Variants in PSMD9 observed in about 807,000 individuals in gnomAD.
PSMD9 encodes 26S proteasome non-ATPase regulatory subunit 9.
PSMD9 carries 26 observed loss-of-function variants against 25.9 expected under a neutral mutation model. The observed-to-expected ratio is 1.00, with a 90% CI of 0.73 to 1.39. The LOEUF (loss-of-function observed/expected upper bound fraction) is 1.39, where lower values mean the gene tolerates loss of function less well. Among genes scored for constraint, PSMD9 ranks in the 40% most tolerant of loss-of-function variants. PSMD9 has a pLI of 0.00. For synonymous variants in PSMD9, 110 were observed against 114.5 expected, an observed-to-expected ratio of 0.96 and a Z score of 0.25; for missense variants, 303 against 299.3, an observed-to-expected ratio of 1.01 and a Z score of -0.09.
chr12:121,913,493 CTTTTTTTT>C (rs771986462), intron 4 of PSMD9, among the ~76,000 whole-genome samples: 1 of 134,840 alleles, frequency 7.4e-6, no homozygotes, highest in East Asian at 2.2e-4. Context: ...TTTCTTTTTT[CTTTTTTTT>C]TTTTTTTTAA....
At position 121,916,598 on chromosome 12, in the gene PSMD9, GATTATT is replaced by G. The variant is rs1004341337; in HGVS notation, c.*297_*302del. ...AAGTTATTCTGGCAGGTACTGGTGT[GATTATT>G]ATTATTATTTTTAATAAAGAGTTTT... On this transcript the variant is annotated 3_prime_UTR_variant, in exon 6 of 6. Transcript: ENST00000541212. The G allele has an allele frequency of 7.0e-6, 3 of 426,066 alleles. No homozygotes were observed. Among genetic ancestry groups the G allele is most frequent in the Non-Finnish European group, 1.3e-5 (3 of 237,390 alleles). 26.4% of individuals were successfully genotyped at this position (426,066 alleles called of 1,614,324 possible).
chr12:121,905,108 G>C (rs1879515549), intron 4 of PSMD9, among the ~76,000 whole-genome samples: 1 of 151,810 alleles, frequency 6.6e-6, no homozygotes, highest in African/African-American at 2.4e-5. Flanking sequence ...CAGAAAGACT[G>C]CTCATATACC....
intron 4 of PSMD9, 42 bp from the exon 5 acceptor site, chr12:121,915,805 TCTCTGAGTA>T: frequency 6.8e-7 from 1 of 1,470,584 alleles, no homozygotes; most frequent in Non-Finnish European, 9.4e-7. Context: ...TTAGCCTGCA[TCTCTGAGTA>T]CTAACGAGGC....
intron 4 of PSMD9, among the ~76,000 whole-genome samples, chr12:121,912,330 G>A (rs1230688072): frequency 1.3e-5 from 2 of 152,006 alleles, no homozygotes; most frequent in East Asian, 1.9e-4. Flanking sequence ...CGTGCCCGGC[G>A]CTTTGTTTAG....
chr12:121,916,784 T>C lies in PSMD9; in HGVS notation c.*473T>C, dbSNP rs1423632569. ...CTTTGACCAACATATTTCTTTGCAC[T>C]GAGGCCTTGCTGCTGTGGATACGGA... is the stretch of plus-strand genomic sequence containing the variant. On this transcript the variant is annotated 3_prime_UTR_variant, in exon 6 of 6. Coordinates refer to ENST00000541212, the MANE Select transcript of PSMD9 (RefSeq NM_002813.7). 6.1e-6 allele frequency: 1 copy of C among 162,768 alleles called. No homozygotes were observed. Among genetic ancestry groups the C allele is most frequent in the African/African-American group, 2.4e-5 (1 of 41,640 alleles). The allele number at this position is 162,768 out of a possible 1,614,324, so 10.1% of individuals were successfully genotyped here.
rs1435312310 is a variant in PSMD9 at position 121,900,716 on chromosome 12, T to G, written c.453+871T>G. 3.3e-5 allele frequency among the ~76,000 whole-genome samples: 5 copies of G among 151,922 alleles called. No homozygotes were observed. The East Asian group carries it at 7.7e-4, about 24-fold the overall frequency. On this transcript the variant is annotated intron_variant, in intron 3 of 5. Coordinates refer to ENST00000541212, the MANE Select transcript of PSMD9 (RefSeq NM_002813.7). ...TTAAAAAATTTGCAGCCAGGTGCAG[T>G]GGCTCACGCCTGTAATCCCAGCACT...
At chr12:121,894,490 C>T in intron 1 of PSMD9, 1 of 427,682 alleles carries the variant, frequency 2.3e-6, no homozygotes, top group Non-Finnish European at 4.3e-6. Flanking sequence ...TTTATCGGCA[C>T]TGTTTTAACT....
intron 3 of PSMD9, 117 bp from the exon 4 acceptor site, chr12:121,902,889 C>G: frequency 1.3e-6 from 1 of 798,874 alleles, no homozygotes. Context: ...TGTTCTGAGC[C>G]TACCCTGTAG....
intron 1 of PSMD9, among the ~76,000 whole-genome samples, chr12:121,891,053 C>T (rs1213026571): frequency 7.5e-6 from 1 of 133,844 alleles, no homozygotes; most frequent in Non-Finnish European, 1.6e-5. Context: ...GTCTCGATCT[C>T]CTGACCTCGT....
At chr12:121,896,836 CAAA>C (rs755152569) in intron 2 of PSMD9, among the ~76,000 whole-genome samples, 4 of 57,476 alleles carry the variant, frequency 7.0e-5, no homozygotes, top group South Asian at 5.7e-4. Context: ...AACTCTGTCT[CAAA>C]AAAAAAAAAA....
intron 1 of PSMD9, among the ~76,000 whole-genome samples, chr12:121,890,271 A>C (rs745413717): frequency 6.6e-6 from 1 of 152,114 alleles, no homozygotes; most frequent in Admixed American, 6.6e-5. Context: ...GGTGCTGACT[A>C]TATGCTCAAA....
At chr12:121,897,355 C>T (rs1879264051) in intron 2 of PSMD9, 1 of 151,880 alleles carries the variant, frequency 6.6e-6, no homozygotes, top group South Asian at 2.1e-4. Context: ...TCACTGCACT[C>T]ACCATCTCCC....
intron 1 of PSMD9, among the ~76,000 whole-genome samples, chr12:121,890,207 G>T (rs1314736810): frequency 6.6e-6 from 1 of 152,052 alleles, no homozygotes; most frequent in Non-Finnish European, 1.5e-5. Context: ...GTGAGCCACC[G>T]CGTCCGGCCA....
Position 121,888,910 on chromosome 12 carries a change from G to C in PSMD9, c.54G>C (p.Val18=), listed in dbSNP as rs751782183. The change falls in exon 1 of 6, where the codon GTG becomes GTC. Residue 18 remains valine (V), a synonymous_variant. Coordinates refer to ENST00000541212, the MANE Select transcript of PSMD9 (RefSeq NM_002813.7). ...GAGGCTCCTCGCAGGCCGGCGTCGTGACTGTCAGCGACGTCCAGGAGCTGA... is the reference window on the plus strand; with the variant it reads ...GAGGCTCCTCGCAGGCCGGCGTCGTCACTGTCAGCGACGTCCAGGAGCTGA... ...QSGGSSQAGV[V]TVSDVQELMR... The C allele has an allele frequency of 6.3e-6, 10 of 1,596,508 alleles. No homozygotes were observed. Among genetic ancestry groups the C allele is most frequent in the South Asian group, 5.7e-5 (5 of 88,412 alleles).
chr12:121,902,483 A>G (rs974835065), intron 3 of PSMD9: 2 of 155,292 alleles, frequency 1.3e-5, no homozygotes, highest in Admixed American at 6.3e-5. Flanking sequence ...TTGGCCCACA[A>G]CAAATACTTG....
intron 4 of PSMD9, among the ~76,000 whole-genome samples, chr12:121,904,639 T>TTTTTTATTATTA (rs371794929): frequency 2.9e-5 from 4 of 138,938 alleles, no homozygotes; most frequent in Admixed American, 7.2e-5. Context: ...CCATCTGAAA[T>TTTTTTATTATTA]TTATTATTAT....
At chr12:121,894,698 T>C (rs1879179675) in intron 1 of PSMD9, 41 bp from the exon 2 acceptor site, 2 of 1,554,646 alleles carry the variant, frequency 1.3e-6, no homozygotes, top group Non-Finnish European at 1.8e-6. Context: ...CTGGGGACAT[T>C]ACACCCATGA....
At chr12:121,914,251 T>C (rs1879826375) in intron 4 of PSMD9, 1 of 152,104 alleles carries the variant, frequency 6.6e-6, no homozygotes. Context: ...ATTTTTTAAA[T>C]TAAAGTACTA....
At chr12:121,914,005 C>T (rs923406211) in intron 4 of PSMD9, among the ~76,000 whole-genome samples, 3 of 152,050 alleles carry the variant, frequency 2.0e-5, no homozygotes, top group Non-Finnish European at 4.4e-5. Flanking sequence ...GAGCAATCCT[C>T]CTGCCTCAGC....
Sources: gnomAD v4.1 joint callset for allele counts (sites outside exome capture counted in the v4.1 genomes callset) on GRCh38, gnomAD v4.1.1 for gene constraint, MANE v1.5 for transcripts, NCBI Gene and HGNC (gene_info 2026-07-23, HGNC 2026-07-21) for gene names.